The following CTBP2 variants were observed in gnomAD, a reference collection of about 807,000 sequenced individuals.
The protein encoded by CTBP2 is C-terminal binding protein 2, also known as C-terminal-binding protein 2.
Under a neutral mutation model 80.3 loss-of-function variants are expected in CTBP2, and 30 were observed. The observed-to-expected ratio is 0.37, with a 90% CI of 0.28 to 0.51. The LOEUF (loss-of-function observed/expected upper bound fraction) is 0.51. CTBP2 is among the 20% of genes least tolerant of loss of function. CTBP2 has a pLI of 0.93. For missense variants in CTBP2, 1,212 were observed against 1,375.3 expected (o/e 0.88, Z 1.88); for synonymous variants, 594 against 587.4 (o/e 1.01, Z -0.16).
intron 2 of CTBP2, among the ~76,000 whole-genome samples, chr10:125,056,845 C>A (rs1163228164): frequency 6.6e-6 from 1 of 152,230 alleles, no homozygotes; most frequent in Non-Finnish European, 1.5e-5. Flanking sequence ...CCTCCCAGTC[C>A]GTGTCTGTGG....
intron 2 of CTBP2, among the ~76,000 whole-genome samples, chr10:125,063,484 C>T (rs1370837216): frequency 2.0e-5 from 3 of 152,166 alleles, no homozygotes; most frequent in African/African-American, 7.2e-5. Context: ...GTGCGAAAGG[C>T]CTCATGCACG....
rs3781411 is a variant in CTBP2 at position 125,026,867 on chromosome 10, C to T, written c.893G>A (p.Arg298Gln). ...CGTGGCCTCTGCCAGCCCCTCCGCC[C>T]GCAGAAAGGCCAGGAACTCAGGGAG... The change falls in exon 1 of 9, where the codon CGG (arginine) becomes CAG (glutamine). Residue 298 changes from arginine (R) to glutamine (Q), a missense_variant. Arg to Gln is a conservative substitution (Grantham distance 43). Around this residue, in one of 3 missense-constraint regions of CTBP2, gnomAD observed 848 missense variants for 782.3 expected, o/e 1.08. Coordinates refer to ENST00000309035, the MANE Select transcript of CTBP2 (RefSeq NM_022802.3). 210,042 of 1,613,678 alleles carry T rather than the reference C, an allele frequency of 0.13. 14,966 individuals are homozygous for T. The highest frequency in any genetic ancestry group is 0.29 in the Admixed American group (17,170 of 59,996).
At chr10:125,074,047 T>C (rs1461555388) in intron 2 of CTBP2, among the ~76,000 whole-genome samples, 1 of 152,196 alleles carries the variant, frequency 6.6e-6, no homozygotes, top group East Asian at 1.9e-4. Flanking sequence ...TATTTTAGGC[T>C]TAACAATTAT....
chr10:125,085,360 G>T (rs1474681905), intron 2 of CTBP2, among the ~76,000 whole-genome samples: 3 of 152,174 alleles, frequency 2.0e-5, no homozygotes, highest in Admixed American at 1.3e-4. Context: ...AAGTCATTAC[G>T]GCAGGATCCC....
rs1162426707 is a variant in CTBP2, at chr10:124,988,079, A to C, written c.*1439T>G. 1 of 151,104 alleles carries C rather than the reference A, an allele frequency of 6.6e-6. No individual in the cohort carries two copies. Among genetic ancestry groups the C allele is most frequent in the African/African-American group, 2.4e-5 (1 of 40,856 alleles). The allele number at this position is 151,104 out of a possible 1,614,324, so 9.4% of individuals were successfully genotyped here. On this transcript the variant is annotated 3_prime_UTR_variant, in exon 9 of 9. Transcript: ENST00000309035. Reference sequence around the variant, plus strand: ...AGTTGAGCAACTTTGTTTTTTTTTGAATTGATTTAGCACTAACCCACCATT... The same window carrying C: ...AGTTGAGCAACTTTGTTTTTTTTTGCATTGATTTAGCACTAACCCACCATT...
chr10:125,111,694 T>A (rs553912545), intron 1 of CTBP2, among the ~76,000 whole-genome samples: 1 of 152,298 alleles, frequency 6.6e-6, no homozygotes, highest in Admixed American at 6.5e-5. Context: ...AGGTGATGCA[T>A]TAAACAGAAC....
chr10:125,019,922 G>C (rs973011746), intron 1 of CTBP2, among the ~76,000 whole-genome samples: 3 of 152,058 alleles, frequency 2.0e-5, no homozygotes, highest in Admixed American at 2.0e-4. Context: ...CCATGACCCA[G>C]GAAGACCCTC....
chr10:125,145,692 A>T (rs1418220384), intron 1 of CTBP2, among the ~76,000 whole-genome samples: 2 of 152,090 alleles, frequency 1.3e-5, no homozygotes. Context: ...TATCACCACC[A>T]CCACCACCAG....
intron 1 of CTBP2, among the ~76,000 whole-genome samples, chr10:125,153,630 A>G (rs976590370): frequency 2.0e-5 from 3 of 152,252 alleles, no homozygotes; most frequent in African/African-American, 7.2e-5. Flanking sequence ...GGCAGGTACA[A>G]TACTATCACT....
At chr10:125,141,507 T>G (rs1274173364) in intron 1 of CTBP2, among the ~76,000 whole-genome samples, 1 of 152,154 alleles carries the variant, frequency 6.6e-6, no homozygotes, top group African/African-American at 2.4e-5. Context: ...CCATCCTGAC[T>G]GGTCTCTACC....
intron 1 of CTBP2, among the ~76,000 whole-genome samples, chr10:125,008,841 A>G (rs1057151015): frequency 1.3e-5 from 2 of 152,260 alleles, no homozygotes; most frequent in Non-Finnish European, 2.9e-5. Flanking sequence ...AGCTCCCGCA[A>G]TTTAGCCTAA....
chr10:124,988,056 T>C lies in CTBP2; in HGVS notation c.*1462A>G, dbSNP rs930414475. ...TAGATTAAAGTCAGAACTCTAAAAG[T>C]TGAGCAACTTTGTTTTTTTTTGAAT... On this transcript the variant is annotated 3_prime_UTR_variant, in exon 9 of 9. Coordinates refer to ENST00000309035, the MANE Select transcript of CTBP2 (RefSeq NM_022802.3). 1 of 148,948 alleles carries C rather than the reference T, an allele frequency of 6.7e-6. No homozygotes were observed. The highest frequency in any genetic ancestry group is 2.5e-5 in the African/African-American group (1 of 39,292). 9.2% of individuals were successfully genotyped at this position (148,948 alleles called of 1,614,324 possible). A position where few individuals can be genotyped will look rare whatever the true frequency, so the allele number is the denominator to read the frequency against.
chr10:125,071,192 C>T (rs1845430250), intron 2 of CTBP2, among the ~76,000 whole-genome samples: 1 of 152,206 alleles, frequency 6.6e-6, no homozygotes, highest in Admixed American at 6.5e-5. Flanking sequence ...AGAGGGGAAA[C>T]AGAGGCAGCG....
intron 1 of CTBP2, among the ~76,000 whole-genome samples, chr10:125,005,302 T>C (rs1252812215): frequency 2.6e-5 from 4 of 152,156 alleles, no homozygotes; most frequent in Non-Finnish European, 5.9e-5. Flanking sequence ...CTAAGTGCAG[T>C]TCTCCTGCCA....
chr10:125,080,260 T>C (rs1846976153), intron 2 of CTBP2, among the ~76,000 whole-genome samples: 1 of 151,572 alleles, frequency 6.6e-6, no homozygotes, highest in Non-Finnish European at 1.5e-5. Context: ...CAAAGAGAAA[T>C]ACACCCAGTT....
chr10:125,097,830 G>A (rs1207840547), intron 2 of CTBP2, among the ~76,000 whole-genome samples: 3 of 152,102 alleles, frequency 2.0e-5, no homozygotes, highest in African/African-American at 7.2e-5. Flanking sequence ...AGGCCGACGA[G>A]GCTGGGAGCA....
At chr10:125,117,895 CCT>C (rs1305471561) in intron 1 of CTBP2, among the ~76,000 whole-genome samples, 1 of 152,228 alleles carries the variant, frequency 6.6e-6, no homozygotes, top group Non-Finnish European at 1.5e-5. Flanking sequence ...ATTATGACCC[CCT>C]GATGCCCAAG....
At chr10:125,042,088 G>A (rs180976945) in intron 2 of CTBP2, among the ~76,000 whole-genome samples, 1 of 152,118 alleles carries the variant, frequency 6.6e-6, no homozygotes, top group African/African-American at 2.4e-5. Context: ...GGCTCCCAAG[G>A]CCACCAGCCT....
intron 1 of CTBP2, among the ~76,000 whole-genome samples, chr10:125,024,288 A>T (rs937372043): frequency 1.4e-4 from 22 of 152,292 alleles, no homozygotes; most frequent in African/African-American, 5.3e-4. Flanking sequence ...TGAGGAGGGA[A>T]ACTGCAGCTA....
Sources: allele counts gnomAD v4.1 joint callset (sites outside exome capture counted in the v4.1 genomes callset), GRCh38; gene constraint gnomAD v4.1.1; regional missense constraint gnomAD v4.1.1; transcripts MANE v1.5; gene names NCBI Gene and HGNC (gene_info 2026-07-23, HGNC 2026-07-21).